Variants in ADAM9 observed in about 807,000 individuals in gnomAD.
ADAM9 encodes disintegrin and metalloproteinase domain-containing protein 9.
ADAM9 carries 54 observed loss-of-function variants against 108.1 expected under a neutral mutation model. The observed-to-expected ratio is 0.50, with a 90% CI of 0.40 to 0.63. ADAM9 has a LOEUF of 0.63. Ranked by LOEUF, ADAM9 falls within the 20% of genes least tolerant of loss-of-function variation. The pLI is 0.00. For missense variants in ADAM9, 830 were observed against 997.7 expected (o/e 0.83, Z 2.26); for synonymous variants, 316 against 336.0 (o/e 0.94, Z 0.65).
At chr8:39,028,930 T>G (rs1453742175) in intron 11 of ADAM9, among the ~76,000 whole-genome samples, 2 of 152,234 alleles carry the variant, frequency 1.3e-5, no homozygotes, top group South Asian at 4.1e-4. Context: ...CTGAGTGAGT[T>G]GGTATTTAAA....
At position 39,103,842 on chromosome 8, in the gene ADAM9, A is replaced by G. The variant is rs1342787301; in HGVS notation, c.*142A>G. 5.0e-6 allele frequency: 4 copies of G among 798,024 alleles called. No individual in the cohort carries two copies. The highest frequency in any genetic ancestry group is 1.4e-5 in the South Asian group (1 of 69,302). The allele number at this position is 798,024 out of a possible 1,614,324, so 49.4% of individuals were successfully genotyped here. A position where few individuals can be genotyped will look rare whatever the true frequency, so the allele number is the denominator to read the frequency against. Reference sequence around the variant, plus strand: ...ACAAAACAGACTTCACTAACACAGAAAAACAGAAACTGAGTGTGAGAGTTG... The same window carrying G: ...ACAAAACAGACTTCACTAACACAGAGAAACAGAAACTGAGTGTGAGAGTTG... On this transcript the variant is annotated 3_prime_UTR_variant, in exon 22 of 22. Transcript: ENST00000487273.
chr8:39,027,750 T>C (rs1836967299), intron 11 of ADAM9, among the ~76,000 whole-genome samples: 1 of 150,866 alleles, frequency 6.6e-6, no homozygotes, highest in African/African-American at 2.4e-5. Flanking sequence ...GTGTAGATGT[T>C]GAGCCTGAGT....
In ADAM9 at chr8:39,027,567, A is replaced by G. The variant is rs551358746; in HGVS notation, c.1130+757A>G. On this transcript the variant is annotated intron_variant, in intron 11 of 21. Transcript: ENST00000487273. ...GGAAGTCAAAGCCTGTGATCTGAGA[A>G]CCCTTTCCTGTCCCAGAGCTAAAAA... Among the ~76,000 whole-genome samples the G allele has an allele frequency of 2.0e-5, 3 of 152,302 alleles. No individual in the cohort carries two copies. In the South Asian group the frequency reaches 6.2e-4, roughly 32 times the overall value.
intron 14 of ADAM9, among the ~76,000 whole-genome samples, chr8:39,068,664 A>G (rs1162443023): frequency 8.3e-6 from 1 of 120,950 alleles, no homozygotes; most frequent in African/African-American, 3.1e-5. Flanking sequence ...GACAAGAGTG[A>G]AACTTCTCCT....
At chr8:39,083,915 G>A (rs957153088) in intron 18 of ADAM9, among the ~76,000 whole-genome samples, 17 of 152,114 alleles carry the variant, frequency 1.1e-4, no homozygotes, top group African/African-American at 3.1e-4. Flanking sequence ...GTTTCCCAAC[G>A]TGGCTATACC....
At chr8:39,021,814 G>T in intron 8 of ADAM9, 100 bp downstream of exon 8, 1 of 1,027,200 alleles carries the variant, frequency 9.7e-7, no homozygotes. Flanking sequence ...ATTTTCATAG[G>T]GCCTCAATGA....
rs368363836 is a variant in ADAM9, at chr8:39,043,614, A to AT, written c.1302+1504dup. Among the ~76,000 whole-genome samples, 68 of 151,970 alleles carry AT rather than the reference A, an allele frequency of 4.5e-4. 1 individual carries two copies. The highest frequency in any genetic ancestry group is 1.4e-3 in the African/African-American group (60 of 41,448). On this transcript the variant is annotated intron_variant, in intron 12 of 21. Transcript: ENST00000487273. Reference sequence around the variant, plus strand: ...ATTAAGTCTCAGGCCTGTTTTAATTATTTTTTTGTTTCTTTTAACATTTTT... The same window carrying AT: ...ATTAAGTCTCAGGCCTGTTTTAATTATTTTTTTTGTTTCTTTTAACATTTTT...
At chr8:39,101,837 TA>T in intron 20 of ADAM9, 25 bp from the exon 21 acceptor site, 1 of 1,575,234 alleles carries the variant, frequency 6.3e-7, no homozygotes, top group Non-Finnish European at 8.7e-7. Flanking sequence ...ATAGTGGTAA[TA>T]ACCTTATTTT....
intron 14 of ADAM9, among the ~76,000 whole-genome samples, chr8:39,056,454 T>C (rs1251102913): frequency 6.6e-6 from 1 of 152,178 alleles, no homozygotes; most frequent in Non-Finnish European, 1.5e-5. Flanking sequence ...TTTCTCACTA[T>C]AGAAGATGAG....
At chr8:39,070,054 A>G (rs1345770963) in intron 14 of ADAM9, among the ~76,000 whole-genome samples, 1 of 150,534 alleles carries the variant, frequency 6.6e-6, no homozygotes, top group African/African-American at 2.4e-5. Flanking sequence ...TTAGGAGGCT[A>G]AGGCAGGAGG....
At chr8:39,040,830 A>G (rs1837436346) in intron 11 of ADAM9, among the ~76,000 whole-genome samples, 1 of 152,200 alleles carries the variant, frequency 6.6e-6, no homozygotes, top group East Asian at 1.9e-4. Context: ...CAAGGGCACC[A>G]GGAGGATACA....
chr8:39,036,872 T>C (rs1837293273), intron 11 of ADAM9, among the ~76,000 whole-genome samples: 1 of 152,142 alleles, frequency 6.6e-6, no homozygotes, highest in African/African-American at 2.4e-5. Flanking sequence ...GTGAATTTTT[T>C]TTTTTTTTTG....
intron 12 of ADAM9, among the ~76,000 whole-genome samples, chr8:39,048,031 G>A (rs897784104): frequency 6.6e-6 from 1 of 150,674 alleles, no homozygotes; most frequent in East Asian, 2.0e-4. Flanking sequence ...AGTGATTCTT[G>A]TGCCTCAGCC....
intron 14 of ADAM9, among the ~76,000 whole-genome samples, chr8:39,064,242 G>A (rs778336491): frequency 1.8e-4 from 28 of 152,140 alleles, no homozygotes; most frequent in Middle Eastern, 6.8e-3. Context: ...GTTAACTTTT[G>A]GAAATAGAGT....
intron 16 of ADAM9, among the ~76,000 whole-genome samples, chr8:39,079,526 TGTCA>T (rs569061354): frequency 1.8e-4 from 27 of 152,344 alleles, no homozygotes; most frequent in South Asian, 1.4e-3. Flanking sequence ...GAATATTAAC[TGTCA>T]GTCAGTTATA....
At chr8:39,091,160 C>T in intron 19 of ADAM9, 99 bp from the exon 20 acceptor site, 3 of 1,128,138 alleles carry the variant, frequency 2.7e-6, no homozygotes, top group Non-Finnish European at 4.0e-6. Flanking sequence ...CCACTACCAA[C>T]ATCATTATTC....
chr8:39,077,218 CTCTT>C lies in ADAM9; in HGVS notation c.1698-8_1698-5del, dbSNP rs1183063924. On this transcript the variant is annotated splice_region_variant and splice_polypyrimidine_tract_variant and intron_variant, in intron 15 of 21. Transcript: ENST00000487273. Reference sequence around the variant, plus strand: ...GCATTTTATGTTGCATTATTTCTCTCTCTTTATAGGAATGCTTTGTGTGGAAAGC... The same window carrying C: ...GCATTTTATGTTGCATTATTTCTCTCTATAGGAATGCTTTGTGTGGAAAGC... 1 of 1,613,712 alleles carries C rather than the reference CTCTT, an allele frequency of 6.2e-7. No homozygotes were observed. The highest frequency in any genetic ancestry group is 1.1e-5 in the South Asian group (1 of 91,056).
chr8:39,070,037 C>T (rs1838628458), intron 14 of ADAM9, among the ~76,000 whole-genome samples: 1 of 146,170 alleles, frequency 6.8e-6, no homozygotes, highest in African/African-American at 2.5e-5. Flanking sequence ...CCTGCATTTC[C>T]ATCTACTTAG....
chr8:39,081,926 C>G (rs886908837), intron 16 of ADAM9, among the ~76,000 whole-genome samples: 2 of 152,078 alleles, frequency 1.3e-5, no homozygotes, highest in Non-Finnish European at 2.9e-5. Flanking sequence ...AAGATGTCAA[C>G]TAAAAAATTT....
Sources: gnomAD v4.1 joint callset for allele counts (sites outside exome capture counted in the v4.1 genomes callset) on GRCh38, gnomAD v4.1.1 for gene constraint, MANE v1.5 for transcripts, NCBI Gene and HGNC (gene_info 2026-07-23, HGNC 2026-07-21) for gene names.